Variants in ASCC3 observed in about 807,000 individuals in gnomAD.
ASCC3 encodes activating signal cointegrator 1 complex subunit 3, also known as ASC-1 complex subunit P200.
Under a neutral mutation model 256.3 loss-of-function variants are expected in ASCC3, and 158 were observed. That is an observed-to-expected ratio of 0.62 (90% CI 0.54 to 0.70). The LOEUF (loss-of-function observed/expected upper bound fraction) is 0.70. Ranked by LOEUF, ASCC3 falls within the 30% of genes least tolerant of loss-of-function variation. The pLI is 0.00. For synonymous variants in ASCC3, 948 were observed against 883.4 expected, an observed-to-expected ratio of 1.07 and a Z score of -1.30; for missense variants, 2,259 against 2,626.0, an observed-to-expected ratio of 0.86 and a Z score of 3.05.
At chr6:100,582,683 T>G (rs1289345826) in intron 36 of ASCC3, among the ~76,000 whole-genome samples, 1 of 151,618 alleles carries the variant, frequency 6.6e-6, no homozygotes, top group African/African-American at 2.4e-5. Flanking sequence ...AAGGGAATGC[T>G]TCCAGTTTTT....
intron 13 of ASCC3, among the ~76,000 whole-genome samples, chr6:100,691,727 A>T (rs190680979): frequency 1.7e-3 from 266 of 152,006 alleles, no homozygotes; most frequent in African/African-American, 6.1e-3. Flanking sequence ...TTTTAGAAAA[A>T]TTTTTTAGCA....
intron 4 of ASCC3, among the ~76,000 whole-genome samples, chr6:100,820,570 A>G (rs959794422): frequency 2.0e-5 from 3 of 151,852 alleles, no homozygotes; most frequent in Non-Finnish European, 4.4e-5. Flanking sequence ...ACAGATGTAG[A>G]TATGGTAAAA....
At chr6:100,710,685 T>C (rs929345657) in intron 13 of ASCC3, among the ~76,000 whole-genome samples, 1 of 152,100 alleles carries the variant, frequency 6.6e-6, no homozygotes, top group African/African-American at 2.4e-5. Context: ...GAGAGGAAAG[T>C]TCTCCTAGGA....
At chr6:100,652,041 G>A (rs1775702024) in intron 18 of ASCC3, among the ~76,000 whole-genome samples, 1 of 151,910 alleles carries the variant, frequency 6.6e-6, no homozygotes, top group Non-Finnish European at 1.5e-5. Context: ...TGTATATCTA[G>A]AAAATATGTA....
At chr6:100,785,758 T>C (rs1769043129) in intron 8 of ASCC3, among the ~76,000 whole-genome samples, 1 of 152,124 alleles carries the variant, frequency 6.6e-6, no homozygotes, top group African/African-American at 2.4e-5. Flanking sequence ...TGCCTGTAAG[T>C]GTCAATTCCT....
chr6:100,626,780 C>G (rs1162001204), intron 29 of ASCC3, among the ~76,000 whole-genome samples: 2 of 152,080 alleles, frequency 1.3e-5, no homozygotes, highest in East Asian at 3.8e-4. Context: ...CATTTGGACA[C>G]ATAAATATAA....
chr6:100,845,815 C>G (rs920399678), intron 4 of ASCC3, among the ~76,000 whole-genome samples: 2 of 152,062 alleles, frequency 1.3e-5, no homozygotes, highest in African/African-American at 4.8e-5. Flanking sequence ...ATAGCTAGCC[C>G]TTAAAAATGG....
At chr6:100,601,786 G>T (rs1772628817) in intron 34 of ASCC3, 24 bp downstream of exon 34, 1 of 1,610,818 alleles carries the variant, frequency 6.2e-7, no homozygotes, top group Non-Finnish European at 8.5e-7. Flanking sequence ...AAACAGAAAG[G>T]TATATAACTG....
chr6:100,846,091 T>C (rs1445226410), intron 4 of ASCC3, among the ~76,000 whole-genome samples: 1 of 152,142 alleles, frequency 6.6e-6, no homozygotes, highest in African/African-American at 2.4e-5. Context: ...GCCTTTTTAA[T>C]TATCCTCTTT....
chr6:100,649,862 T>C (rs1408926549), intron 20 of ASCC3, among the ~76,000 whole-genome samples: 5 of 151,734 alleles, frequency 3.3e-5, no homozygotes, highest in Non-Finnish European at 5.9e-5. Context: ...ATTTGAAGGA[T>C]AAATAGGGTA....
intron 13 of ASCC3, among the ~76,000 whole-genome samples, chr6:100,700,343 T>C (rs1309372591): frequency 6.6e-6 from 1 of 152,066 alleles, no homozygotes; most frequent in Non-Finnish European, 1.5e-5. Context: ...AGATATCCGA[T>C]GATGTATGAA....
At chr6:100,701,910 G>A (rs1276760574) in intron 13 of ASCC3, among the ~76,000 whole-genome samples, 1 of 152,112 alleles carries the variant, frequency 6.6e-6, no homozygotes, top group Non-Finnish European at 1.5e-5. Context: ...ACTATGATGA[G>A]GGATGAAAGA....
rs12663913 is a variant in ASCC3, at chr6:100,585,466, T to C, written c.5550+4168A>G. Among the ~76,000 whole-genome samples, 1,838 of 152,332 alleles carry C rather than the reference T, an allele frequency of 0.012. 82 individuals carry two copies. In the East Asian group the frequency reaches 0.14, roughly 12 times the overall value. ...AAGCACTTCTCTGTATTGGTTATTC[T>C]AGTTATACATTCGTCTAAATTTTTT... On this transcript the variant is annotated intron_variant, in intron 36 of 41. Transcript: ENST00000369162.
At chr6:100,512,943 A>G in intron 39 of ASCC3, 25 bp from the exon 40 acceptor site, 1 of 1,591,434 alleles carries the variant, frequency 6.3e-7, no homozygotes, top group Non-Finnish European at 8.6e-7. Flanking sequence ...AAAAGAAACA[A>G]TAAAGGAGGA....
In ASCC3 at chr6:100,662,002, C is replaced by A; in HGVS notation, c.2507G>T (p.Gly836Val). 6.2e-7 allele frequency: 1 copy of A among 1,613,152 alleles called. No individual in the cohort carries two copies. Among genetic ancestry groups the A allele is most frequent in the Non-Finnish European group, 8.5e-7 (1 of 1,179,416 alleles). The stretch of plus-strand genomic sequence containing the variant: ...TAAAATTCCAAGGTCAACAAAGGAG[C>A]CTCTTTTTGCAGCATATATTTGTGT... ...KGTQIYAAKR[G>V]SFVDLGILDV... The change falls in exon 16 of 42, where the codon GGC (glycine) becomes GTC (valine). Residue 836 changes from glycine to valine, a missense_variant. Physicochemically the swap from Gly to Val is moderately radical, Grantham distance 109 (BLOSUM62 -3). This residue lies in a region of ASCC3 where 1,839 missense variants were observed against 2,206.7 expected (regional missense o/e 0.83). Transcript: ENST00000369162.
chr6:100,600,849 C>T (rs1388147844), intron 34 of ASCC3, among the ~76,000 whole-genome samples: 2 of 151,920 alleles, frequency 1.3e-5, no homozygotes, highest in Non-Finnish European at 2.9e-5. Flanking sequence ...AAATATTTAA[C>T]AAAACATAAC....
intron 36 of ASCC3, among the ~76,000 whole-genome samples, chr6:100,551,975 A>G (rs964286862): frequency 6.6e-6 from 1 of 151,768 alleles, no homozygotes; most frequent in African/African-American, 2.4e-5. Flanking sequence ...ACAATAGGTG[A>G]TCTTCAGCTC....
chr6:100,842,366 T>C (rs1231952864), intron 4 of ASCC3, among the ~76,000 whole-genome samples: 1 of 152,204 alleles, frequency 6.6e-6, no homozygotes, highest in East Asian at 1.9e-4. Context: ...TCAGAAGATA[T>C]ATGAGGTGAA....
intron 10 of ASCC3, among the ~76,000 whole-genome samples, chr6:100,757,872 CA>C (rs1442035626): frequency 6.6e-6 from 1 of 152,100 alleles, no homozygotes; most frequent in Admixed American, 6.6e-5. Flanking sequence ...ACTCCCCAAA[CA>C]AACAAAATAA....
Sources: gnomAD v4.1 joint callset for allele counts (sites outside exome capture counted in the v4.1 genomes callset) on GRCh38, gnomAD v4.1.1 for gene constraint, gnomAD v4.1.1 regional missense constraint, MANE v1.5 for transcripts, NCBI Gene and HGNC (gene_info 2026-07-23, HGNC 2026-07-21) for gene names.